The following PLCH2 variants were observed in gnomAD, a reference collection of about 807,000 sequenced individuals.
PLCH2 encodes 1-phosphatidylinositol 4,5-bisphosphate phosphodiesterase eta-2.
In PLCH2, 98 loss-of-function variants were observed where a neutral mutation model predicts 134.7. That is an observed-to-expected ratio of 0.73 (90% confidence interval 0.62 to 0.86). PLCH2 has a LOEUF of 0.86. Ranked by LOEUF, PLCH2 falls within the 40% of genes least tolerant of loss-of-function variation. PLCH2 has a pLI of 0.00. For missense variants in PLCH2, 1,994 were observed against 1,986.6 expected (o/e 1.00, Z -0.07); for synonymous variants, 974 against 827.5 (o/e 1.18, Z -3.04).
Position 2,448,251 on chromosome 1 carries a change from C to T in PLCH2, c.115+17622C>T, listed in dbSNP as rs547449120. Among the ~76,000 whole-genome samples the T allele has an allele frequency of 5.3e-5, 8 of 152,260 alleles. No individual in the cohort carries two copies. The highest frequency in any genetic ancestry group is 9.6e-5 in the African/African-American group (4 of 41,550). On this transcript the variant is annotated intron_variant, in intron 2 of 3. Coordinates refer to the PLCH2 transcript ENST00000609981. This position sits in a 1 kb window ranked among gnomAD's most constrained non-coding sequence, Gnocchi z 4.0. ...TGCACTGGCCACTAAAAACGCCGCA[C>T]GCTTATTCTCTCGCAGTCCTGGAGG...
At chr1:2,436,861 A>G (rs1639447564) in intron 2 of PLCH2, among the ~76,000 whole-genome samples, 1 of 152,208 alleles carries the variant, frequency 6.6e-6, no homozygotes, top group Non-Finnish European at 1.5e-5. Context: ...GGGGACCTGC[A>G]GGCAGGGGAG....
chr1:2,442,495 C>T (rs1158367110), intron 2 of PLCH2, among the ~76,000 whole-genome samples: 4 of 152,232 alleles, frequency 2.6e-5, no homozygotes, highest in Non-Finnish European at 4.4e-5. Context: ...TCATCTCAGA[C>T]TCAGCCTTTC....
upstream of PLCH2, among the ~76,000 whole-genome samples, chr1:2,465,871 G>T (rs1423768088): frequency 2.6e-5 from 4 of 152,070 alleles, no homozygotes; most frequent in Admixed American, 2.6e-4. Flanking sequence ...AAGGAGGCGT[G>T]GCTGGGTCGG....
At chr1:2,452,564 C>T (rs573987884) in intron 2 of PLCH2, among the ~76,000 whole-genome samples, 14 of 152,186 alleles carry the variant, frequency 9.2e-5, no homozygotes, top group Non-Finnish European at 1.2e-4. Context: ...CCTCCAGCGG[C>T]GCCTTGCAGG....
At chr1:2,416,826 G>A in the PLCH2 span, among the ~76,000 whole-genome samples, 17 of 152,326 alleles carry the variant, frequency 1.1e-4, no homozygotes, top group Admixed American at 9.1e-4. Context: ...TTTGGGGCTC[G>A]GGCAGGTGGT....
At chr1:2,499,275 C>CCAGGG (rs1387256964) in intron 19 of PLCH2, 45 bp downstream of exon 19, 9 of 1,604,660 alleles carry the variant, frequency 5.6e-6, no homozygotes, top group Middle Eastern at 1.9e-4. Flanking sequence ...GCCGAGGGCC[C>CCAGGG]CAGGGCAGGG....
At chr1:2,503,532 A>G in intron 21 of PLCH2, 1 of 682,248 alleles carries the variant, frequency 1.5e-6, no homozygotes, top group East Asian at 2.7e-5. Flanking sequence ...AGGGACATAC[A>G]CGGAGCCCGC....
chr1:2,491,094 CCT>C (rs1642551475), intron 10 of PLCH2, 96 bp from the exon 11 acceptor site: 10 of 1,225,248 alleles, frequency 8.2e-6, no homozygotes, highest in Non-Finnish European at 1.1e-5. Flanking sequence ...CTTCCCTGAG[CCT>C]GGGGTGGGCA....
At chr1:2,495,727 T>C (rs1284312043) in intron 13 of PLCH2, among the ~76,000 whole-genome samples, 157 bp downstream of exon 13, 1 of 152,066 alleles carries the variant, frequency 6.6e-6, no homozygotes, top group Non-Finnish European at 1.5e-5. Context: ...GGGAGTGTGG[T>C]GTGCAGGGCA....
At chr1:2,496,779 G>A (rs369853774) in intron 14 of PLCH2, 49 bp from the exon 15 acceptor site, 47 of 1,610,562 alleles carry the variant, frequency 2.9e-5, no homozygotes, top group South Asian at 1.8e-4. Flanking sequence ...GCTGGGCGCC[G>A]GGCGAGGTCG....
intron 21 of PLCH2, chr1:2,502,751 T>C (rs1469761412): frequency 1.4e-6 from 1 of 716,450 alleles, no homozygotes; most frequent in Admixed American, 2.0e-5. Context: ...CTCCATGTCC[T>C]CGGACTCCAG....
intron 20 of PLCH2, 75 bp from the exon 21 acceptor site, chr1:2,502,037 G>C: frequency 1.5e-6 from 2 of 1,306,374 alleles, no homozygotes; most frequent in Non-Finnish European, 2.0e-6. Context: ...ACGGTCTGGA[G>C]AGCTGGCCCT....
chr1:2,494,797 GC>G (rs1642785967), intron 11 of PLCH2, 58 bp from the exon 12 acceptor site: 1 of 1,285,612 alleles, frequency 7.8e-7, no homozygotes, highest in Non-Finnish European at 1.1e-6. Context: ...GGCTGTCCCG[GC>G]CTCCCTGCCT....
intron 2 of PLCH2, among the ~76,000 whole-genome samples, chr1:2,455,952 C>T (rs1292599001): frequency 6.6e-6 from 1 of 152,248 alleles, no homozygotes; most frequent in Non-Finnish European, 1.5e-5. Context: ...ATTTTTAAAG[C>T]GGCTTTGCAG....
chr1:2,468,241 C>T (rs1641162912), intron 1 of PLCH2, among the ~76,000 whole-genome samples: 1 of 152,244 alleles, frequency 6.6e-6, no homozygotes, highest in Admixed American at 6.5e-5. Flanking sequence ...GGGGGGCCTG[C>T]AGTTGCTGTG....
chr1:2,489,875 G>A lies in PLCH2; in HGVS notation c.1515+8G>A, dbSNP rs377672206. On this transcript the variant is annotated splice_region_variant and intron_variant, in intron 10 of 21. Coordinates refer to ENST00000378486, the MANE Select transcript of PLCH2 (RefSeq NM_014638.4). ...AAGCTCCTCAATGGGGATGTGAGTCGGGCTGGAGGTGGAGGGGGGCGCGTG... is the reference window on the plus strand; with the variant it reads ...AAGCTCCTCAATGGGGATGTGAGTCAGGCTGGAGGTGGAGGGGGGCGCGTG... 1.1e-5 allele frequency: 17 copies of A among 1,596,482 alleles called. No individual in the cohort carries two copies. The highest frequency in any genetic ancestry group is 1.7e-4 in the Middle Eastern group (1 of 6,022).
intron 1 of PLCH2, chr1:2,426,116 G>T (rs778818849): frequency 6.6e-6 from 1 of 152,242 alleles, no homozygotes; most frequent in Non-Finnish European, 1.5e-5. Context: ...TTCTGAGCAC[G>T]CACTGGTGAA....
chr1:2,436,380 CCCTTCCTCCCTCCACCTTTCCT>C lies in PLCH2; in HGVS notation c.115+5778_115+5799del, dbSNP rs1339741677. On this transcript the variant is annotated intron_variant, in intron 2 of 3. Coordinates refer to the PLCH2 transcript ENST00000609981. Reference sequence around the variant, plus strand: ...CCTCCCTCCTCCCTTCCTCCCTCCTCCCTTCCTCCCTCCACCTTTCCTCCTTCCTCCCTCCACCTTTCCTCCT... The same window carrying C: ...CCTCCCTCCTCCCTTCCTCCCTCCTCCCTTCCTCCCTCCACCTTTCCTCCT... Among the ~76,000 whole-genome samples the C allele has an allele frequency of 6.8e-4, 36 of 52,714 alleles. 5 individuals are homozygous for C. The highest frequency in any genetic ancestry group is 1.6e-3 in the Admixed American group (8 of 5,076). 34.6% of individuals were successfully genotyped at this position (52,714 alleles called of 152,430 possible). A position where few individuals can be genotyped will look rare whatever the true frequency, so the allele number is the denominator to read the frequency against.
chr1:2,496,354 G>A (rs2477704), intron 13 of PLCH2, among the ~76,000 whole-genome samples: 1,548 of 152,284 alleles, frequency 0.01, 26 homozygotes, highest in African/African-American at 0.035. Flanking sequence ...TGCCACGCTT[G>A]GCAGGCCACG....
Sources: allele counts gnomAD v4.1 joint callset (sites outside exome capture counted in the v4.1 genomes callset), GRCh38; gene constraint gnomAD v4.1.1; non-coding constraint Gnocchi (gnomAD v3.1); transcripts MANE v1.5; gene names NCBI Gene and HGNC (gene_info 2026-07-23, HGNC 2026-07-21).